The following GDAP1L1 variants were observed in gnomAD, a reference collection of about 807,000 sequenced individuals.
GDAP1L1 encodes the protein ganglioside-induced differentiation-associated protein 1-like 1.
GDAP1L1 carries 21 observed loss-of-function variants against 37.1 expected under a neutral mutation model. The observed-to-expected ratio is 0.57, with a 90% confidence interval of 0.40 to 0.81. GDAP1L1 has a LOEUF of 0.81. GDAP1L1 is among the 40% of genes least tolerant of loss of function. GDAP1L1 has a pLI of 0.00. For missense variants in GDAP1L1, 362 were observed against 491.6 expected (o/e 0.74, Z 2.49); for synonymous variants, 193 against 209.1 (o/e 0.92, Z 0.67).
intron 2 of GDAP1L1, among the ~76,000 whole-genome samples, chr20:44,258,025 T>A (rs923312823): frequency 1.3e-5 from 2 of 152,092 alleles, no homozygotes; most frequent in Non-Finnish European, 2.9e-5. Flanking sequence ...AGGAACTTAC[T>A]GCCCATTGCA....
chr20:44,278,887 C>T, intron 5 of GDAP1L1, 70 bp from the exon 6 acceptor site: 2 of 969,556 alleles, frequency 2.1e-6, no homozygotes. Context: ...GCCAGTGGAG[C>T]TCATGGAGAG....
At chr20:44,276,458 A>AAGAAAGAAAGAAAGAAAGAAAG (rs1456856510) in intron 5 of GDAP1L1, among the ~76,000 whole-genome samples, 17 of 150,216 alleles carry the variant, frequency 1.1e-4, no homozygotes, top group African/African-American at 3.5e-4. Flanking sequence ...GAAAGAAAGA[A>AAGAAAGAAAGAAAGAAAGAAAG]AGAAAGAAAA....
At chr20:44,248,576 T>C (rs1022671577) in intron 1 of GDAP1L1, among the ~76,000 whole-genome samples, 2 of 152,242 alleles carry the variant, frequency 1.3e-5, no homozygotes, top group Non-Finnish European at 2.9e-5. Flanking sequence ...GATACAACAA[T>C]AGCCACTTCC....
At position 44,247,402 on chromosome 20, in the gene GDAP1L1, A is replaced by T. The variant is rs1330227828; in HGVS notation, c.68A>T (p.Asp23Val). The T allele has an allele frequency of 1.2e-6, 2 of 1,612,768 alleles. No individual in the cohort carries two copies. Among genetic ancestry groups the T allele is most frequent in the Non-Finnish European group, 1.7e-6 (2 of 1,179,762 alleles). Residue 23 changes from aspartate to valine, a missense_variant, in exon 1 of 6, where the codon GAT becomes GTT. Asp to Val is a radical substitution (Grantham distance 152). Transcript: ENST00000342560. ...TGGCCCATCTCCGCGCTGGAGAGCG[A>T]TGCGGCCAAGCCAGCGGAGGCCCCC... ...SWWPISALES[D>V]AAKPAEAPDA... is the part of the protein sequence containing the mutation.
chr20:44,278,972 T>C lies in GDAP1L1; in HGVS notation c.776T>C (p.Leu259Pro), dbSNP rs1246604792. The change falls in exon 6 of 6, where the codon CTG becomes CCG. Residue 259 changes from leucine to proline, a missense_variant. By Grantham distance (98) the Leu-to-Pro change is moderately conservative (BLOSUM62 -3). Transcript: ENST00000342560. ...TCCACTCTAGGGCAGAAATGCGAGC[T>C]GTGGCTCTGTGGCTGTGCCTTCACC... ...KLENEGQKCE[L>P]WLCGCAFTLA... 1 of 1,612,320 alleles carries C rather than the reference T, an allele frequency of 6.2e-7. No homozygotes were observed. The highest frequency in any genetic ancestry group is 1.3e-5 in the African/African-American group (1 of 74,914).
chr20:44,276,463 A>AGAAAGAAAGAAG (rs977887973), intron 5 of GDAP1L1, among the ~76,000 whole-genome samples: 1 of 151,730 alleles, frequency 6.6e-6, no homozygotes, highest in African/African-American at 2.4e-5. Context: ...AAAGAAAGAA[A>AGAAAGAAAGAAG]GAAAAAGAAA....
chr20:44,278,578 A>C (rs2062608850), intron 5 of GDAP1L1, among the ~76,000 whole-genome samples: 2 of 151,934 alleles, frequency 1.3e-5, no homozygotes, highest in Admixed American at 1.3e-4. Flanking sequence ...ATGGGGTTTC[A>C]CCATAGTGGC....
At chr20:44,250,382 C>G (rs747892808) in intron 1 of GDAP1L1, among the ~76,000 whole-genome samples, 1 of 152,162 alleles carries the variant, frequency 6.6e-6, no homozygotes, top group Non-Finnish European at 1.5e-5. Context: ...CCAACAGGGT[C>G]GTTGTAAGGA....
chr20:44,266,636 C>A (rs1209668039), intron 5 of GDAP1L1, among the ~76,000 whole-genome samples: 3 of 152,058 alleles, frequency 2.0e-5, no homozygotes, highest in Admixed American at 2.0e-4. Context: ...GAGTTTCTCT[C>A]GAGGCCTCTC....
At chr20:44,247,221 G>C (rs1722143912), upstream of GDAP1L1, 3 of 1,056,144 alleles carry the variant, frequency 2.8e-6, no homozygotes, top group Admixed American at 2.1e-5. Flanking sequence ...TGACATTCAC[G>C]GAGCGGGGAG....
rs1004778644 is a variant in GDAP1L1, at chr20:44,263,330, G to T, written c.645+3G>T. On this transcript the variant is annotated splice_donor_region_variant and intron_variant, in intron 4 of 5. Coordinates refer to ENST00000342560, the MANE Select transcript of GDAP1L1 (RefSeq NM_024034.6). Reference sequence around the variant, plus strand: ...TTTCTAAACAAAAGAAGCTCATGGTGAGTACCTCCCGGCCTGCTGAGTCCC... The same window carrying T: ...TTTCTAAACAAAAGAAGCTCATGGTTAGTACCTCCCGGCCTGCTGAGTCCC... 2 of 1,605,874 alleles carry T rather than the reference G, an allele frequency of 1.2e-6. No individual in the cohort carries two copies. Among genetic ancestry groups the T allele is most frequent in the Non-Finnish European group, 1.7e-6 (2 of 1,172,396 alleles).
chr20:44,253,590 A>C (rs1012312903), intron 1 of GDAP1L1, among the ~76,000 whole-genome samples: 5 of 152,234 alleles, frequency 3.3e-5, no homozygotes, highest in Admixed American at 6.5e-5. Flanking sequence ...TTCAGGCACC[A>C]ACAGGGAAGT....
chr20:44,268,467 A>G (rs2062478867), intron 5 of GDAP1L1, among the ~76,000 whole-genome samples: 1 of 152,218 alleles, frequency 6.6e-6, no homozygotes. Flanking sequence ...CTAGGGATAA[A>G]CTAATGAGTA....
At chr20:44,257,793 A>G (rs1178802534) in intron 2 of GDAP1L1, among the ~76,000 whole-genome samples, 1 of 152,004 alleles carries the variant, frequency 6.6e-6, no homozygotes, top group Non-Finnish European at 1.5e-5. Flanking sequence ...CTAGGACCCC[A>G]TAGGAACCTG....
chr20:44,279,384 A>G lies in GDAP1L1; in HGVS notation c.*84A>G, dbSNP rs2062618310. On this transcript the variant is annotated 3_prime_UTR_variant, in exon 6 of 6. Coordinates refer to ENST00000342560, the MANE Select transcript of GDAP1L1 (RefSeq NM_024034.6). ...TGAGCTCTCAGTAACTCACTGTCTC[A>G]TGAACACTTGGACAGCCCTCCCCGC... is the stretch of plus-strand genomic sequence containing the variant. The G allele has an allele frequency of 4.5e-6, 4 of 887,268 alleles. No homozygotes were observed. The highest frequency in any genetic ancestry group is 2.4e-5 in the East Asian group (1 of 41,598). 55.0% of individuals were successfully genotyped at this position (887,268 alleles called of 1,614,324 possible). A position where few individuals can be genotyped will look rare whatever the true frequency, so the allele number is the denominator to read the frequency against.
intron 1 of GDAP1L1, among the ~76,000 whole-genome samples, chr20:44,250,736 C>G (rs917741638): frequency 2.6e-5 from 4 of 152,142 alleles, no homozygotes; most frequent in Non-Finnish European, 5.9e-5. Flanking sequence ...GAAGGAGGCT[C>G]TAAATGCCTA....
intron 3 of GDAP1L1, 53 bp from the exon 4 acceptor site, chr20:44,263,177 G>C: frequency 2.8e-6 from 4 of 1,411,586 alleles, no homozygotes; most frequent in Non-Finnish European, 4.0e-6. Context: ...GGCAGGTGAT[G>C]GGGGAGCAAC....
At chr20:44,275,056 G>A (rs2062558933) in intron 5 of GDAP1L1, among the ~76,000 whole-genome samples, 1 of 151,952 alleles carries the variant, frequency 6.6e-6, no homozygotes, top group Non-Finnish European at 1.5e-5. Flanking sequence ...TACCGATTCA[G>A]CTATTTTTAA....
At chr20:44,272,202 A>G (rs2062524733) in intron 5 of GDAP1L1, among the ~76,000 whole-genome samples, 1 of 152,162 alleles carries the variant, frequency 6.6e-6, no homozygotes, top group Admixed American at 6.5e-5. Flanking sequence ...ACCTGAAGAG[A>G]TGTGGAGACG....
Sources: allele counts gnomAD v4.1 joint callset (sites outside exome capture counted in the v4.1 genomes callset), GRCh38; gene constraint gnomAD v4.1.1; transcripts MANE v1.5; gene names NCBI Gene and HGNC (gene_info 2026-07-23, HGNC 2026-07-21).